Variants in PDE4D observed in about 807,000 individuals in gnomAD.
PDE4D encodes the protein phosphodiesterase 4D.
A neutral mutation model predicts 87.4 loss-of-function variants in PDE4D; 24 were observed. That is an observed-to-expected ratio of 0.27 (90% CI 0.20 to 0.39). PDE4D has a LOEUF of 0.39. PDE4D is among the 10% of genes least tolerant of loss of function. The probability of loss-of-function intolerance (pLI) is 1.00; values close to 1 mark genes in which losing one functional copy is unlikely to be tolerated. For missense variants in PDE4D, 714 were observed against 1,041.0 expected, an observed-to-expected ratio of 0.69 and a Z score of 4.32; for synonymous variants, 384 against 383.2, an observed-to-expected ratio of 1.00 and a Z score of -0.02.
intron 1 of PDE4D, among the ~76,000 whole-genome samples, chr5:59,343,704 G>A (rs1779147229): frequency 2.0e-5 from 3 of 152,056 alleles, no homozygotes; most frequent in African/African-American, 7.2e-5. Flanking sequence ...AAATATTTAG[G>A]CACATATCTT....
intron 1 of PDE4D, among the ~76,000 whole-genome samples, chr5:59,858,223 TGAA>T (rs1262572710): frequency 6.6e-6 from 1 of 152,096 alleles, no homozygotes; most frequent in Non-Finnish European, 1.5e-5. Flanking sequence ...GGGCAGCAGC[TGAA>T]GCTCACCTGG....
chr5:59,323,545 T>G (rs1047868210), intron 1 of PDE4D, among the ~76,000 whole-genome samples: 1 of 152,102 alleles, frequency 6.6e-6, no homozygotes, highest in South Asian at 2.1e-4. Context: ...ATCCTCCTAG[T>G]TGTCCAAGCC....
chr5:60,029,123 T>C (rs899750557), intron 2 of PDE4D, among the ~76,000 whole-genome samples: 3 of 152,262 alleles, frequency 2.0e-5, no homozygotes, highest in Admixed American at 6.5e-5. Context: ...GGGGTACAAG[T>C]ATAATTTTGT....
chr5:60,205,482 A>C (rs17450732), intron 1 of PDE4D, among the ~76,000 whole-genome samples: 14,599 of 152,142 alleles, frequency 0.096, 737 homozygotes, highest in Non-Finnish European at 0.11. Flanking sequence ...TGATCCACCT[A>C]TTATCCACTG....
At chr5:59,884,718 C>T (rs1005894238) in intron 1 of PDE4D, among the ~76,000 whole-genome samples, 3 of 151,914 alleles carry the variant, frequency 2.0e-5, no homozygotes, top group Non-Finnish European at 4.4e-5. Flanking sequence ...TTTGATCACC[C>T]ACCAATGTTT....
At position 59,767,044 on chromosome 5, in the gene PDE4D, A is replaced by G. The variant is rs552538814; in HGVS notation, c.455+126124T>C. On this transcript the variant is annotated intron_variant, in intron 1 of 14. Coordinates refer to ENST00000340635, the MANE Select transcript of PDE4D (RefSeq NM_001104631.2). ...ATGGCTTTTATTTCCTTTGTCATTGACTTTCATCTATAACATCAATGCATT... is the reference window on the plus strand; with the variant it reads ...ATGGCTTTTATTTCCTTTGTCATTGGCTTTCATCTATAACATCAATGCATT... 1.9e-3 allele frequency among the ~76,000 whole-genome samples: 294 copies of G among 151,904 alleles called. 1 individual carries two copies. The highest frequency in any genetic ancestry group is 6.7e-3 in the African/African-American group (279 of 41,512).
At chr5:59,771,497 GAGAAGA>G (rs1312719962) in intron 1 of PDE4D, among the ~76,000 whole-genome samples, 14 of 48,954 alleles carry the variant, frequency 2.9e-4, no homozygotes, top group South Asian at 7.5e-4. Context: ...GAGAGAGAGA[GAGAAGA>G]AAGAAAGAAA....
chr5:60,350,704 A>C (rs1345033311), intron 1 of PDE4D, among the ~76,000 whole-genome samples: 1 of 152,182 alleles, frequency 6.6e-6, no homozygotes, highest in Non-Finnish European at 1.5e-5. Context: ...ATATATATGA[A>C]ATAAACTAAT....
chr5:60,013,141 G>C (rs997634431), intron 2 of PDE4D, among the ~76,000 whole-genome samples: 1 of 151,950 alleles, frequency 6.6e-6, no homozygotes, highest in South Asian at 2.1e-4. Context: ...TTTGGACCCC[G>C]TATAATCCTG....
intron 5 of PDE4D, among the ~76,000 whole-genome samples, chr5:59,089,096 A>G (rs1768230598): frequency 6.6e-6 from 1 of 152,182 alleles, no homozygotes; most frequent in Admixed American, 6.5e-5. Flanking sequence ...CTATTAATCT[A>G]TACTTCTATC....
intron 3 of PDE4D, among the ~76,000 whole-genome samples, chr5:59,909,729 C>T (rs1235837673): frequency 6.6e-6 from 1 of 152,118 alleles, no homozygotes; most frequent in Non-Finnish European, 1.5e-5. Flanking sequence ...CTGCTTTCTT[C>T]CTTTCTCGTT....
Position 59,312,949 on chromosome 5 carries a change from G to T in PDE4D, c.456-96981C>A, listed in dbSNP as rs1772983748. 3.3e-5 allele frequency among the ~76,000 whole-genome samples: 5 copies of T among 152,112 alleles called. No individual in the cohort carries two copies. In the South Asian group the frequency reaches 1.0e-3, roughly 32 times the overall value. On this transcript the variant is annotated intron_variant, in intron 1 of 14. Transcript: ENST00000340635. ...ATTTTCCAAATGGGCCAAATGGGAG[G>T]AAGCCCCACACAGCCTGCCCTCTTT...
intron 1 of PDE4D, among the ~76,000 whole-genome samples, chr5:59,489,846 C>T (rs1303096935): frequency 1.3e-5 from 2 of 152,136 alleles, no homozygotes; most frequent in East Asian, 3.9e-4. Context: ...ATTTTAATAA[C>T]CTACCAGTTT....
intron 2 of PDE4D, among the ~76,000 whole-genome samples, chr5:60,047,910 A>T (rs1264468049): frequency 3.3e-5 from 5 of 151,912 alleles, no homozygotes; most frequent in South Asian, 4.2e-4. Flanking sequence ...GTTCAATTCC[A>T]GGGTATCCTT....
chr5:60,244,507 AG>A (rs2149667076), intron 1 of PDE4D, among the ~76,000 whole-genome samples: 1 of 152,172 alleles, frequency 6.6e-6, no homozygotes, highest in Non-Finnish European at 1.5e-5. Context: ...CCTAATCAAA[AG>A]GAACAAAACT....
At chr5:59,032,537 T>C (rs10054429) in intron 6 of PDE4D, among the ~76,000 whole-genome samples, 27,200 of 152,056 alleles carry the variant, frequency 0.18, 2,716 homozygotes, top group East Asian at 0.48. Flanking sequence ...TGAGATCGTA[T>C]CACTGTACTC....
At chr5:59,298,113 CT>C (rs759820053) in intron 1 of PDE4D, among the ~76,000 whole-genome samples, 19,167 of 112,876 alleles carry the variant, frequency 0.17, 1,376 homozygotes, top group African/African-American at 0.28. Flanking sequence ...ACAAGTGAAA[CT>C]TTTTTTTTTT....
In PDE4D at chr5:59,488,359, T is replaced by C. The variant is rs549243435; in HGVS notation, c.456-272391A>G. On this transcript the variant is annotated intron_variant, in intron 1 of 14. Coordinates refer to ENST00000340635, the MANE Select transcript of PDE4D (RefSeq NM_001104631.2). ...CAGCTGAAGCAAGCCGAGAAAGAAA[T>C]AGAGGAGAGATGTGCATCTTGTAAG... 2.6e-5 allele frequency among the ~76,000 whole-genome samples: 4 copies of C among 152,202 alleles called. No homozygotes were observed. In the South Asian group the frequency reaches 8.3e-4, roughly 32 times the overall value.
intron 1 of PDE4D, among the ~76,000 whole-genome samples, chr5:59,572,046 C>T (rs182029350): frequency 1.3e-5 from 2 of 152,170 alleles, no homozygotes; most frequent in South Asian, 2.1e-4. Context: ...ACATTTCAAG[C>T]CTAGGGAAGC....
Sources: allele counts gnomAD v4.1 joint callset (sites outside exome capture counted in the v4.1 genomes callset), GRCh38; gene constraint gnomAD v4.1.1; transcripts MANE v1.5; gene names NCBI Gene and HGNC (gene_info 2026-07-23, HGNC 2026-07-21).